The following KCTD8 variants were observed in gnomAD, a reference collection of about 807,000 sequenced individuals.
KCTD8 encodes BTB/POZ domain-containing protein KCTD8.
KCTD8 carries 27 observed loss-of-function variants against 31.5 expected under a neutral mutation model. The ratio of observed to expected loss-of-function variants is 0.86; its 90% CI spans 0.63 to 1.18. The LOEUF (loss-of-function observed/expected upper bound fraction) is 1.18. KCTD8 is among the 50% of genes most tolerant of loss of function. The pLI, the probability that KCTD8 is intolerant of heterozygous loss-of-function variation, is 0.00. For synonymous variants in KCTD8, 290 were observed against 280.0 expected, an observed-to-expected ratio of 1.04 and a Z score of -0.36; for missense variants, 658 against 647.7, an observed-to-expected ratio of 1.02 and a Z score of -0.17.
chr4:44,321,415 T>G (rs1022209948), intron 1 of KCTD8, among the ~76,000 whole-genome samples: 1 of 152,196 alleles, frequency 6.6e-6, no homozygotes, highest in Non-Finnish European at 1.5e-5. Flanking sequence ...TAACAGATCT[T>G]ACAGTGGCTA....
At chr4:44,274,631 A>G (rs2109374574) in intron 1 of KCTD8, among the ~76,000 whole-genome samples, 1 of 152,036 alleles carries the variant, frequency 6.6e-6, no homozygotes. Context: ...TAAAATTTAT[A>G]TAGTCATTTC....
chr4:44,421,332 C>A (rs1398468174), intron 1 of KCTD8, among the ~76,000 whole-genome samples: 1 of 151,950 alleles, frequency 6.6e-6, no homozygotes, highest in Non-Finnish European at 1.5e-5. Flanking sequence ...GTGTGTGCAT[C>A]TCATTTTGAT....
chr4:44,210,572 C>T (rs926337397), intron 1 of KCTD8, among the ~76,000 whole-genome samples: 2 of 152,088 alleles, frequency 1.3e-5, no homozygotes, highest in African/African-American at 4.8e-5. Flanking sequence ...ACATAGGAAA[C>T]ATTTTTTTAC....
chr4:44,263,116 G>T (rs191010429), intron 1 of KCTD8, among the ~76,000 whole-genome samples: 1 of 151,958 alleles, frequency 6.6e-6, no homozygotes. Context: ...CTGCAGCAAC[G>T]GAAAGCATAT....
intron 1 of KCTD8, among the ~76,000 whole-genome samples, chr4:44,342,167 C>A (rs149534923): frequency 0.012 from 1,790 of 152,092 alleles, 32 homozygotes; most frequent in African/African-American, 0.042. Flanking sequence ...ATCAGGAGAT[C>A]GAGACCATCC....
chr4:44,442,345 G>C (rs1292144723), intron 1 of KCTD8, among the ~76,000 whole-genome samples: 1 of 152,170 alleles, frequency 6.6e-6, no homozygotes, highest in Non-Finnish European at 1.5e-5. Flanking sequence ...CCAGCACTTT[G>C]GGAGTCCTAG....
At chr4:44,287,832 C>T (rs1037053642) in intron 1 of KCTD8, among the ~76,000 whole-genome samples, 2 of 152,264 alleles carry the variant, frequency 1.3e-5, no homozygotes, top group Admixed American at 6.5e-5. Flanking sequence ...GAAGATAAAA[C>T]TAATCCCTTC....
intron 1 of KCTD8, among the ~76,000 whole-genome samples, chr4:44,275,608 A>G (rs1716729685): frequency 6.6e-6 from 1 of 152,080 alleles, no homozygotes; most frequent in African/African-American, 2.4e-5. Context: ...GTTTAATCAA[A>G]GCTAAGAATC....
intron 1 of KCTD8, among the ~76,000 whole-genome samples, chr4:44,281,585 T>G (rs1326919695): frequency 6.6e-6 from 1 of 152,150 alleles, no homozygotes; most frequent in African/African-American, 2.4e-5. Context: ...GTTCCCAATT[T>G]GTACTTGTGG....
intron 1 of KCTD8, among the ~76,000 whole-genome samples, chr4:44,410,218 A>T (rs1378430024): frequency 1.3e-5 from 2 of 152,184 alleles, no homozygotes; most frequent in East Asian, 3.9e-4. Flanking sequence ...TATAAATTAT[A>T]CAGAAATTGC....
At chr4:44,322,862 T>C (rs1478900010) in intron 1 of KCTD8, among the ~76,000 whole-genome samples, 1 of 152,078 alleles carries the variant, frequency 6.6e-6, no homozygotes, top group Non-Finnish European at 1.5e-5. Context: ...TCAATGTATG[T>C]TATTGGTGCC....
chr4:44,435,543 G>T (rs150930002), intron 1 of KCTD8, among the ~76,000 whole-genome samples: 221 of 152,048 alleles, frequency 1.5e-3, no homozygotes, highest in Non-Finnish European at 2.5e-3. Context: ...TAACTTGCAA[G>T]TAAGCACTGA....
intron 1 of KCTD8, among the ~76,000 whole-genome samples, chr4:44,245,556 G>A (rs1213662850): frequency 6.7e-6 from 1 of 149,680 alleles, no homozygotes; most frequent in East Asian, 1.9e-4. Flanking sequence ...TTTATTTGCA[G>A]GGAAAAAATT....
At chr4:44,196,581 T>A (rs1157887062) in intron 1 of KCTD8, among the ~76,000 whole-genome samples, 1 of 152,092 alleles carries the variant, frequency 6.6e-6, no homozygotes, top group Non-Finnish European at 1.5e-5. Context: ...AAAAACCATG[T>A]CAGGATCCAT....
intron 1 of KCTD8, among the ~76,000 whole-genome samples, chr4:44,217,467 A>G (rs1714680795): frequency 6.6e-6 from 1 of 152,128 alleles, no homozygotes; most frequent in Admixed American, 6.5e-5. Flanking sequence ...AATGAATAAG[A>G]CTGTGATGGT....
intron 1 of KCTD8, among the ~76,000 whole-genome samples, chr4:44,386,477 G>A (rs1318665867): frequency 6.6e-6 from 1 of 151,448 alleles, no homozygotes; most frequent in Non-Finnish European, 1.5e-5. Context: ...CATACAAATG[G>A]AAAACAGGTA....
At chr4:44,235,723 C>T (rs965473588) in intron 1 of KCTD8, among the ~76,000 whole-genome samples, 4 of 151,190 alleles carry the variant, frequency 2.6e-5, no homozygotes, top group African/African-American at 9.7e-5. Context: ...TAGGATTTAA[C>T]AGAGAAATAA....
rs576286096 is a variant in KCTD8 at position 44,306,557 on chromosome 4, A to G, written c.962-131307T>C. Among the ~76,000 whole-genome samples, 12 of 152,188 alleles carry G rather than the reference A, an allele frequency of 7.9e-5. No individual in the cohort carries two copies. The East Asian group carries it at 2.3e-3, about 29-fold the overall frequency. On this transcript the variant is annotated intron_variant, in intron 1 of 1. Transcript: ENST00000360029. Reference sequence around the variant, plus strand: ...ATAAAAGAAGTCAAAATAAATTAAAAAGCAAACATACAATTTTCACAAATT... The same window carrying G: ...ATAAAAGAAGTCAAAATAAATTAAAGAGCAAACATACAATTTTCACAAATT...
intron 1 of KCTD8, among the ~76,000 whole-genome samples, chr4:44,442,770 G>GTTATACACAC (rs1560456018): frequency 2.0e-5 from 3 of 147,854 alleles, no homozygotes; most frequent in African/African-American, 7.5e-5. Flanking sequence ...TCTTAACTAA[G>GTTATACACAC]GTATACACAC....
Sources: gnomAD v4.1 joint callset for allele counts (sites outside exome capture counted in the v4.1 genomes callset) on GRCh38, gnomAD v4.1.1 for gene constraint, MANE v1.5 for transcripts, NCBI Gene and HGNC (gene_info 2026-07-23, HGNC 2026-07-21) for gene names.